Variants in LRRK2 observed in about 807,000 individuals in gnomAD.
The protein encoded by LRRK2 is leucine-rich repeat serine/threonine-protein kinase 2.
LRRK2 carries 203 observed loss-of-function variants against 302.6 expected under a neutral mutation model. The observed-to-expected ratio is 0.67, with a 90% CI of 0.60 to 0.75. The LOEUF (loss-of-function observed/expected upper bound fraction) is 0.75. Among genes scored for constraint, LRRK2 ranks in the 30% least tolerant of loss-of-function variants. The probability of loss-of-function intolerance (pLI) is 0.00; values close to 1 mark genes in which losing one functional copy is unlikely to be tolerated. For missense variants in LRRK2, 2,830 were observed against 2,951.0 expected (o/e 0.96, Z 0.95); for synonymous variants, 1,066 against 1,031.9 (o/e 1.03, Z -0.63).
intron 31 of LRRK2, among the ~76,000 whole-genome samples, chr12:40,312,124 TGCAAAGTCACAGATAAGATG>T (rs1380673006): frequency 5.3e-5 from 8 of 152,120 alleles, no homozygotes; most frequent in South Asian, 2.1e-4. Flanking sequence ...ATTTAGTTGA[TGCAAAGTCACAGATAAGATG>T]GTTCATTAAG....
intron 32 of LRRK2, 117 bp from the exon 33 acceptor site, chr12:40,315,095 A>T: frequency 1.2e-6 from 1 of 820,590 alleles, no homozygotes; most frequent in African/African-American, 1.7e-5. Context: ...CTCTGTCACT[A>T]GCTATGCTGA....
intron 47 of LRRK2, among the ~76,000 whole-genome samples, chr12:40,362,650 G>A (rs758136263): frequency 6.6e-5 from 10 of 152,146 alleles, no homozygotes; most frequent in East Asian, 3.9e-4. Flanking sequence ...TGATAGGTCA[G>A]GGAAGAAATC....
chr12:40,301,180 T>C, intron 25 of LRRK2: 1 of 452,176 alleles, frequency 2.2e-6, no homozygotes, highest in Non-Finnish European at 4.5e-6. Context: ...TTTGAGAAGA[T>C]GCCCCATGGA....
chr12:40,357,619 T>C (rs142360721), intron 46 of LRRK2, among the ~76,000 whole-genome samples: 1 of 152,362 alleles, frequency 6.6e-6, no homozygotes, highest in East Asian at 1.9e-4. Context: ...TTTTGTCTTT[T>C]TTATAATAGC....
At chr12:40,261,566 A>G (rs1033236479) in intron 13 of LRRK2, among the ~76,000 whole-genome samples, 4 of 152,152 alleles carry the variant, frequency 2.6e-5, no homozygotes, top group African/African-American at 9.7e-5. Flanking sequence ...GTATGCTAAC[A>G]TATTATACTA....
At chr12:40,340,754 G>A (rs1946014178) in intron 41 of LRRK2, among the ~76,000 whole-genome samples, 1 of 152,170 alleles carries the variant, frequency 6.6e-6, no homozygotes, top group African/African-American at 2.4e-5. Context: ...GTCATAAAAA[G>A]TAACAGCAAA....
Position 40,310,439 on chromosome 12 carries a change from T to A in LRRK2, c.4326T>A (p.Ala1442=). The A allele has an allele frequency of 6.2e-7, 1 of 1,613,454 alleles. No individual in the cohort carries two copies. The change falls in exon 31 of 51, where the codon GCT becomes GCA. Residue 1442 remains alanine (A), a synonymous_variant. Transcript: ENST00000298910. The part of the protein sequence containing the change: ...KPWLFNIKAR[A]SSSPVILVGT... ...TGTGTCTTTCCCTCCAGGCTCGCGCTTCTTCTTCCCCTGTGATTCTCGTTG... is the reference window on the plus strand; with the variant it reads ...TGTGTCTTTCCCTCCAGGCTCGCGCATCTTCTTCCCCTGTGATTCTCGTTG...
At chr12:40,267,837 G>A (rs889421991) in intron 14 of LRRK2, among the ~76,000 whole-genome samples, 1 of 152,280 alleles carries the variant, frequency 6.6e-6, no homozygotes, top group African/African-American at 2.4e-5. Context: ...GTGATTGCAT[G>A]TCTTACTCTG....
At chr12:40,276,685 C>G (rs942735402) in intron 16 of LRRK2, among the ~76,000 whole-genome samples, 1 of 152,206 alleles carries the variant, frequency 6.6e-6, no homozygotes, top group South Asian at 2.1e-4. Context: ...CACTTGTTTT[C>G]AGAGACCTCT....
At chr12:40,312,042 A>G (rs926525237) in intron 31 of LRRK2, among the ~76,000 whole-genome samples, 2 of 151,122 alleles carry the variant, frequency 1.3e-5, no homozygotes, top group Admixed American at 1.3e-4. Context: ...CCTTTTTGTC[A>G]TTGTTGTCAG....
chr12:40,291,466 G>T (rs1944157345), intron 20 of LRRK2, among the ~76,000 whole-genome samples: 1 of 149,740 alleles, frequency 6.7e-6, no homozygotes. Flanking sequence ...AATTTCCTTT[G>T]TGACTTCTTT....
At chr12:40,344,828 AC>A (rs1184608786) in intron 41 of LRRK2, among the ~76,000 whole-genome samples, 2 of 152,130 alleles carry the variant, frequency 1.3e-5, no homozygotes, top group African/African-American at 4.8e-5. Flanking sequence ...TGTATCTGTA[AC>A]AATATAGTAT....
chr12:40,233,125 T>A (rs1483240387), intron 3 of LRRK2, among the ~76,000 whole-genome samples: 3 of 152,126 alleles, frequency 2.0e-5, no homozygotes, highest in African/African-American at 7.2e-5. Context: ...CACTTGAACC[T>A]GGGAGGCGGA....
In LRRK2 at chr12:40,284,045, C is replaced by A; in HGVS notation, c.2412C>A (p.Cys804Ter). The change falls in exon 19 of 51, where the codon TGC becomes TGA. Residue 804 changes from cysteine to a stop codon, truncating the protein, a stop_gained. Transcript: ENST00000298910. LOFTEE classifies it high-confidence loss of function. ...TGGATGTGGCCAACAATAGCATTTG[C>A]CTTGGAGGATTTTGTATAGGAAAAG... ...LALDVANNSICLGGFCIGKVE... is the reference protein window; with the variant it reads ...LALDVANNSI 6.2e-7 allele frequency: 1 copy of A among 1,613,592 alleles called. No homozygotes were observed. Among genetic ancestry groups the A allele is most frequent in the Non-Finnish European group, 8.5e-7 (1 of 1,179,722 alleles).
intron 14 of LRRK2, among the ~76,000 whole-genome samples, chr12:40,270,026 C>A (rs1295453392): frequency 7.2e-5 from 11 of 152,016 alleles, no homozygotes; most frequent in Admixed American, 7.2e-4. Context: ...TACTTAATGT[C>A]TTGGTTTTGT....
intron 33 of LRRK2, among the ~76,000 whole-genome samples, chr12:40,319,114 C>G (rs1331927180): frequency 6.6e-6 from 1 of 152,012 alleles, no homozygotes; most frequent in Non-Finnish European, 1.5e-5. Context: ...AAATTAAATA[C>G]AAACCTCTTT....
chr12:40,274,252 C>G (rs191132800), intron 14 of LRRK2, among the ~76,000 whole-genome samples: 1 of 152,106 alleles, frequency 6.6e-6, no homozygotes, highest in Non-Finnish European at 1.5e-5. Context: ...TTTGTGTAGA[C>G]TTTGAGAATA....
chr12:40,299,447 A>G (rs909969715), intron 25 of LRRK2, among the ~76,000 whole-genome samples, 190 bp downstream of exon 25: 1 of 152,224 alleles, frequency 6.6e-6, no homozygotes, highest in African/African-American at 2.4e-5. Flanking sequence ...ACATGAAAGA[A>G]ACATAAATGC....
rs200442352 is a variant in LRRK2, at chr12:40,294,879, G to A, written c.2843G>A (p.Arg948Gln). 16 of 1,546,046 alleles carry A rather than the reference G, an allele frequency of 1.0e-5. No homozygotes were observed. Among genetic ancestry groups the A allele is most frequent in the African/African-American group, 5.4e-5 (4 of 73,590 alleles). ...PIFDHEDLLK[R>Q]KRKILSSDDS... ...TTTGATCATGAAGATTTACTGAAGC[G>A]AAAAAGAAAAATATTATCTTCAGAT... Residue 948 changes from arginine (R) to glutamine (Q), a missense_variant, in exon 22 of 51, where the codon CGA becomes CAA. Arg to Gln is a conservative substitution (Grantham distance 43). Coordinates refer to ENST00000298910, the MANE Select transcript of LRRK2 (RefSeq NM_198578.4).
Sources: gnomAD v4.1 joint callset for allele counts (sites outside exome capture counted in the v4.1 genomes callset) on GRCh38, gnomAD v4.1.1 for gene constraint, MANE v1.5 for transcripts, NCBI Gene and HGNC (gene_info 2026-07-23, HGNC 2026-07-21) for gene names.